TASOR2: variants seen among roughly 807,000 people sequenced by gnomAD.
TASOR2 encodes protein TASOR 2.
TASOR2 carries 84 observed loss-of-function variants against 199.5 expected under a neutral mutation model. The ratio of observed to expected loss-of-function variants is 0.42; its 90% CI spans 0.35 to 0.50. The LOEUF (loss-of-function observed/expected upper bound fraction) is 0.50, where lower values mean the gene tolerates loss of function less well. TASOR2 is among the 20% of genes least tolerant of loss of function. TASOR2 has a pLI of 0.02. For synonymous variants in TASOR2, 1,103 were observed against 1,046.6 expected (o/e 1.05, Z -1.04); for missense variants, 2,796 against 2,835.9 (o/e 0.99, Z 0.32).
exon 21 of TASOR2, chr10:5,763,602 T>A (rs1222046132): frequency 1.3e-5 from 2 of 152,236 alleles, no homozygotes; most frequent in Non-Finnish European, 2.9e-5. Context: ...AATAATCATT[T>A]ATTTATGATA....
chr10:5,699,481 G>A lies in TASOR2; in HGVS notation c.-287-13342G>A, dbSNP rs1024018674. The A allele has an allele frequency of 6.6e-6, 1 of 152,050 alleles. No homozygotes were observed. Among genetic ancestry groups the A allele is most frequent in the African/African-American group, 2.4e-5 (1 of 41,388 alleles). 9.4% of individuals were successfully genotyped at this position (152,050 alleles called of 1,614,324 possible). A position where few individuals can be genotyped will look rare whatever the true frequency, so the allele number is the denominator to read the frequency against. On this transcript the variant is annotated intron_variant, in intron 1 of 20. Transcript: ENST00000328090. This position sits in a 1 kb window ranked among gnomAD's most constrained non-coding sequence, Gnocchi z 4.1. ...GCAATTGAATTGTACACTTTATGTGGGTGAATTGTATGCCGTATGAATTAT... is the reference window on the plus strand; with the variant it reads ...GCAATTGAATTGTACACTTTATGTGAGTGAATTGTATGCCGTATGAATTAT...
Position 5,742,153 on chromosome 10 carries a change from T to C in TASOR2, c.2384T>C (p.Met795Thr), listed in dbSNP as rs996151288. 92 of 1,614,082 alleles carry C rather than the reference T, an allele frequency of 5.7e-5. No individual in the cohort carries two copies. The Admixed American group carries it at 1.4e-3, about 24-fold the overall frequency. ...GAAGAAGTGAAGCTTTTACTTCATATGTGGGTAGCTCTGTTTTACAGCAAT... is the reference window on the plus strand; with the variant it reads ...GAAGAAGTGAAGCTTTTACTTCATACGTGGGTAGCTCTGTTTTACAGCAAT... Residue 795 changes from methionine to threonine, a missense_variant, in exon 14 of 21, where the codon ATG becomes ACG. Met to Thr is a moderately conservative substitution (Grantham distance 81). Coordinates refer to ENST00000328090, the Ensembl canonical transcript of TASOR2. The surrounding 1 kb of genome is among the most constrained non-coding windows in gnomAD (Gnocchi z 4.2).
chr10:5,696,003 C>T (rs1260163123), intron 1 of TASOR2, among the ~76,000 whole-genome samples: 1 of 152,150 alleles, frequency 6.6e-6, no homozygotes, highest in African/African-American at 2.4e-5. Context: ...ACTACTCTCT[C>T]CTCTACCTTG....
chr10:5,736,451 A>C (rs1835614101), intron 12 of TASOR2, among the ~76,000 whole-genome samples: 1 of 150,548 alleles, frequency 6.6e-6, no homozygotes, highest in Non-Finnish European at 1.5e-5. Context: ...ACGGGGTTTC[A>C]CCATGTTGCC....
chr10:5,723,786 AAATG>A lies in TASOR2; in HGVS notation c.247+10_247+13del. 6.3e-7 allele frequency: 1 copy of A among 1,575,688 alleles called. No individual in the cohort carries two copies. Among genetic ancestry groups the A allele is most frequent in the Non-Finnish European group, 8.7e-7 (1 of 1,152,250 alleles). ...TTACTTGGAGGAGAAAGGTCTGTTG[AAATG>A]TAATAACACGCTACTTGTCCTGGGC... On this transcript the variant is annotated intron_variant, in intron 7 of 20. Transcript: ENST00000328090.
At chr10:5,761,157 AGT>A (rs1207460880) in intron 18 of TASOR2, 131 bp from the exon 20 acceptor site, 22 of 702,642 alleles carry the variant, frequency 3.1e-5, no homozygotes, top group Non-Finnish European at 4.0e-5. Context: ...AGGTAACCAA[AGT>A]GTGTCATGAA....
At chr10:5,761,521 T>G in intron 19 of TASOR2, 50 bp downstream of exon 20, 1 of 1,535,358 alleles carries the variant, frequency 6.5e-7, no homozygotes, top group Non-Finnish European at 8.9e-7. Flanking sequence ...TGGTCAGCTC[T>G]AGGAATGTCA....
chr10:5,708,642 T>C (rs11254289), intron 1 of TASOR2, among the ~76,000 whole-genome samples: 4,754 of 21,566 alleles, frequency 0.22, 525 homozygotes, highest in East Asian at 0.53. Flanking sequence ...CTCCCTTCCT[T>C]CCTTCCTTCC....
intron 2 of TASOR2, 21 bp downstream of exon 3, chr10:5,714,228 G>T (rs1832307507): frequency 1.6e-6 from 2 of 1,225,598 alleles, no homozygotes; most frequent in African/African-American, 1.6e-5. Context: ...AAAGCAAAAA[G>T]AATCTTAAAA....
At chr10:5,753,915 GA>G (rs1206463595) in intron 15 of TASOR2, among the ~76,000 whole-genome samples, 2 of 152,164 alleles carry the variant, frequency 1.3e-5, no homozygotes, top group Non-Finnish European at 2.9e-5. Context: ...CCTGACATGA[GA>G]TAGAGTGACT....
chr10:5,750,133 A>G lies in TASOR2; in HGVS notation c.6606+106A>G. The G allele has an allele frequency of 1.6e-6, 2 of 1,261,124 alleles. No individual in the cohort carries two copies. The highest frequency in any genetic ancestry group is 5.5e-4 in the Middle Eastern group (2 of 3,644). The allele number at this position is 1,261,124 out of a possible 1,614,324, so 78.1% of individuals were successfully genotyped here. A position where few individuals can be genotyped will look rare whatever the true frequency, so the allele number is the denominator to read the frequency against. ...TCAAAAAGAAATCATGGTATGACAT[A>G]GTATTTAAATTTCACAGCTTAGTCT... is the stretch of plus-strand genomic sequence containing the variant. On this transcript the variant is annotated intron_variant, in intron 15 of 20. Transcript: ENST00000328090. This position sits in a 1 kb window ranked among gnomAD's most constrained non-coding sequence, Gnocchi z 5.4.
In TASOR2 at chr10:5,690,276, C is replaced by T. The variant is rs1836278610; in HGVS notation, c.-288+5101C>T. ...TCATAAGAAATGTATCTGGAGTGTACTTTGTTTTCTCTTAGTAAGATTTTA... is the reference window on the plus strand; with the variant it reads ...TCATAAGAAATGTATCTGGAGTGTATTTTGTTTTCTCTTAGTAAGATTTTA... On this transcript the variant is annotated intron_variant, in intron 1 of 20. Coordinates refer to ENST00000328090, the Ensembl canonical transcript of TASOR2. The surrounding 1 kb of genome is among the most constrained non-coding windows in gnomAD (Gnocchi z 4.8). Among the ~76,000 whole-genome samples, 1 of 152,046 alleles carries T rather than the reference C, an allele frequency of 6.6e-6. No homozygotes were observed. Among genetic ancestry groups the T allele is most frequent in the Non-Finnish European group, 1.5e-5 (1 of 68,002 alleles).
At position 5,720,185 on chromosome 10, in the gene TASOR2, A is replaced by C; in HGVS notation, c.-99-359A>C. ...CACATATCTGCATCCTTGTTAGACT[A>C]CTTCTAAATGAATCCTAGAGTAAAG... On this transcript the variant is annotated intron_variant, in intron 3 of 20. Coordinates refer to ENST00000328090, the Ensembl canonical transcript of TASOR2. The surrounding 1 kb of genome is among the most constrained non-coding windows in gnomAD (Gnocchi z 5.3). 2 of 806,494 alleles carry C rather than the reference A, an allele frequency of 2.5e-6. No individual in the cohort carries two copies. The highest frequency in any genetic ancestry group is 1.5e-6 in the Non-Finnish European group (1 of 666,824). The allele number at this position is 806,494 out of a possible 1,614,324, so 50.0% of individuals were successfully genotyped here. A position where few individuals can be genotyped will look rare whatever the true frequency, so the allele number is the denominator to read the frequency against.
intron 1 of TASOR2, among the ~76,000 whole-genome samples, chr10:5,697,637 G>A (rs960308984): frequency 1.3e-5 from 2 of 152,054 alleles, no homozygotes; most frequent in African/African-American, 4.8e-5. Flanking sequence ...GGCAATAAAG[G>A]CCCTCCTGAA....
At chr10:5,757,366 C>G (rs1454280320) in intron 16 of TASOR2, among the ~76,000 whole-genome samples, 154 bp from the exon 18 acceptor site, 1 of 152,154 alleles carries the variant, frequency 6.6e-6, no homozygotes, top group Non-Finnish European at 1.5e-5. Flanking sequence ...GTTAATATGC[C>G]TCATGCAGGG....
Position 5,690,094 on chromosome 10 carries a change from T to C in TASOR2, c.-288+4919T>C, listed in dbSNP as rs566870580. On this transcript the variant is annotated intron_variant, in intron 1 of 20. Coordinates refer to ENST00000328090, the Ensembl canonical transcript of TASOR2. The surrounding 1 kb of genome is among the most constrained non-coding windows in gnomAD (Gnocchi z 4.8). ...TATCTTCCTTGTATTTGTGGTTGTA[T>C]CGTCTTTGCTTTCAATATTTAATTT... 1.3e-5 allele frequency among the ~76,000 whole-genome samples: 2 copies of C among 152,328 alleles called. No individual in the cohort carries two copies. Among genetic ancestry groups the C allele is most frequent in the East Asian group, 3.9e-4 (2 of 5,190 alleles).
intron 2 of TASOR2, among the ~76,000 whole-genome samples, chr10:5,715,360 A>G (rs2131556620): frequency 6.6e-6 from 1 of 152,250 alleles, no homozygotes; most frequent in Non-Finnish European, 1.5e-5. Flanking sequence ...CCAAAAAAGA[A>G]ATCCCATGGC....
At chr10:5,749,325 C>A in exon 15 of TASOR2, 1 of 1,614,188 alleles carries the variant, frequency 6.2e-7, no homozygotes, top group Non-Finnish European at 8.5e-7. Flanking sequence ...AGGTGGCAGA[C>A]GACCTCACCC....
At chr10:5,695,474 G>A (rs1837041028) in intron 1 of TASOR2, among the ~76,000 whole-genome samples, 1 of 152,110 alleles carries the variant, frequency 6.6e-6, no homozygotes. Flanking sequence ...TTAGGGCTGT[G>A]GTGGGTGCAT....
Sources: gnomAD v4.1 joint callset for allele counts (sites outside exome capture counted in the v4.1 genomes callset) on GRCh38, gnomAD v4.1.1 for gene constraint, Gnocchi (gnomAD v3.1) non-coding constraint, MANE v1.5 for transcripts, NCBI Gene and HGNC (gene_info 2026-07-23, HGNC 2026-07-21) for gene names.